Variants in SH2D4B observed in about 807,000 individuals in gnomAD.
SH2D4B encodes the protein SH2 domain containing 4B, also known as SH2 domain-containing protein 4B.
SH2D4B carries 45 observed loss-of-function variants against 61.5 expected under a neutral mutation model. The observed-to-expected ratio is 0.73, with a 90% CI of 0.58 to 0.94. The LOEUF (loss-of-function observed/expected upper bound fraction) is 0.94, where lower values mean the gene tolerates loss of function less well. SH2D4B is among the 40% of genes least tolerant of loss of function. The probability of loss-of-function intolerance (pLI) is 0.00; values close to 1 mark genes in which losing one functional copy is unlikely to be tolerated. For missense variants in SH2D4B, 572 were observed against 574.2 expected, an observed-to-expected ratio of 1.00 and a Z score of 0.04; for synonymous variants, 224 against 220.4, an observed-to-expected ratio of 1.02 and a Z score of -0.14.
chr10:80,628,785 TG>T (rs1842794338), intron 6 of SH2D4B, among the ~76,000 whole-genome samples: 1 of 152,078 alleles, frequency 6.6e-6, no homozygotes, highest in Non-Finnish European at 1.5e-5. Context: ...CCCAGCACTT[TG>T]GGAAGCTGAG....
intron 4 of SH2D4B, among the ~76,000 whole-genome samples, chr10:80,592,031 A>T (rs1842334298): frequency 6.6e-6 from 1 of 152,316 alleles, no homozygotes; most frequent in South Asian, 2.1e-4. Context: ...TAATTCCTTG[A>T]CGTCCTTGCC....
At chr10:80,572,986 A>ATATCTATTTTT (rs1564772012) in intron 3 of SH2D4B, among the ~76,000 whole-genome samples, 1 of 8,874 alleles carries the variant, frequency 1.1e-4, no homozygotes, top group Non-Finnish European at 2.0e-4. Flanking sequence ...ATATATATAT[A>ATATCTATTTTT]TTTTTTTTTT....
chr10:80,583,842 T>C (rs1437447287), intron 3 of SH2D4B, among the ~76,000 whole-genome samples: 1 of 152,090 alleles, frequency 6.6e-6, no homozygotes, highest in Non-Finnish European at 1.5e-5. Flanking sequence ...ACTGGAAAGA[T>C]AAGAGACTAC....
chr10:80,614,515 C>G (rs1046008135), intron 6 of SH2D4B, among the ~76,000 whole-genome samples: 3 of 152,244 alleles, frequency 2.0e-5, no homozygotes, highest in African/African-American at 7.2e-5. Context: ...GACAAATATC[C>G]AAACCATATC....
intron 1 of SH2D4B, among the ~76,000 whole-genome samples, chr10:80,560,498 G>T (rs113063107): frequency 4.0e-4 from 60 of 151,412 alleles, no homozygotes; most frequent in Non-Finnish European, 8.5e-4. Context: ...CCATCCTCCA[G>T]CCTCAGCCTT....
chr10:80,643,891 G>T, intron 7 of SH2D4B, 102 bp from the exon 8 acceptor site: 3 of 658,052 alleles, frequency 4.6e-6, no homozygotes, highest in Non-Finnish European at 7.3e-6. Flanking sequence ...GGAGACAAAT[G>T]CATATTCTTA....
rs1388258281 is a variant in SH2D4B at position 80,603,688 on chromosome 10, C to T, written c.753C>T (p.Gly251=). 2 of 1,612,402 alleles carry T rather than the reference C, an allele frequency of 1.2e-6. No individual in the cohort carries two copies. The highest frequency in any genetic ancestry group is 1.3e-5 in the African/African-American group (1 of 74,936). ...LRAIQKGTVA[G]LSSMFRELGQ... ...CTATCCAGAAGGGCACGGTCGCTGG[C>T]CTCAGCTCCATGTTCCGGGAGCTTG... Residue 251 remains glycine, a synonymous_variant, in exon 5 of 8, where the codon GGC becomes GGT. Transcript: ENST00000646907.
intron 4 of SH2D4B, among the ~76,000 whole-genome samples, chr10:80,594,285 C>T (rs1308405976): frequency 6.6e-6 from 1 of 152,150 alleles, no homozygotes; most frequent in Non-Finnish European, 1.5e-5. Flanking sequence ...GTGGTGCATT[C>T]CATGGCTGAG....
chr10:80,632,449 G>C (rs1384606094), intron 6 of SH2D4B, among the ~76,000 whole-genome samples: 1 of 152,034 alleles, frequency 6.6e-6, no homozygotes, highest in Admixed American at 6.6e-5. Flanking sequence ...TTGTTTAAAA[G>C]AAAAAAAGTT....
intron 3 of SH2D4B, among the ~76,000 whole-genome samples, chr10:80,572,945 AATAT>A (rs869061750): frequency 9.8e-3 from 203 of 20,634 alleles, no homozygotes; most frequent in African/African-American, 0.02. Context: ...GTATGTTGCA[AATAT>A]ATATATATAT....
At chr10:80,620,940 A>C (rs1842712334) in intron 6 of SH2D4B, among the ~76,000 whole-genome samples, 1 of 152,222 alleles carries the variant, frequency 6.6e-6, no homozygotes, top group Admixed American at 6.5e-5. Flanking sequence ...TAGGGGAAAA[A>C]CCCACAGAAT....
At chr10:80,546,774 G>T (rs191523462) in intron 1 of SH2D4B, among the ~76,000 whole-genome samples, 4 of 151,938 alleles carry the variant, frequency 2.6e-5, no homozygotes, top group Non-Finnish European at 5.9e-5. Flanking sequence ...TGATCCGTCC[G>T]CCTCGGCCTC....
chr10:80,557,407 C>T (rs1841852427), intron 1 of SH2D4B, among the ~76,000 whole-genome samples: 2 of 152,164 alleles, frequency 1.3e-5, no homozygotes, highest in South Asian at 4.1e-4. Context: ...AGAATATATT[C>T]TCTCCTCTTC....
At position 80,598,961 on chromosome 10, in the gene SH2D4B, G is replaced by C. The variant is rs1589351048; in HGVS notation, c.644-4618G>C. On this transcript the variant is annotated intron_variant, in intron 4 of 7. Transcript: ENST00000646907. ...GACTTTGGAGTTGTCAGAGGGACTT[G>C]TGTTCACCTGTGGCTCCTTGACCTG... 2.0e-5 allele frequency among the ~76,000 whole-genome samples: 3 copies of C among 152,274 alleles called. No individual in the cohort carries two copies. The South Asian group carries it at 6.2e-4, about 32-fold the overall frequency.
At position 80,644,858 on chromosome 10, in the gene SH2D4B, C is replaced by G. The variant is rs1840368774; in HGVS notation, c.*773C>G. On this transcript the variant is annotated 3_prime_UTR_variant, in exon 8 of 8. Coordinates refer to ENST00000646907, the MANE Select transcript of SH2D4B (RefSeq NM_001388272.1). Reference sequence around the variant, plus strand: ...GGTTCTTAGAAATCTGATGAGGCCTCTGCTCTCTGGGATGTGGCCCTCTCT... The same window carrying G: ...GGTTCTTAGAAATCTGATGAGGCCTGTGCTCTCTGGGATGTGGCCCTCTCT... 1 of 152,242 alleles carries G rather than the reference C, an allele frequency of 6.6e-6. No homozygotes were observed. The highest frequency in any genetic ancestry group is 1.5e-5 in the Non-Finnish European group (1 of 68,064). The allele number at this position is 152,242 out of a possible 1,614,324, so 9.4% of individuals were successfully genotyped here.
chr10:80,562,887 A>AT (rs1223682186), intron 1 of SH2D4B, among the ~76,000 whole-genome samples: 25 of 122,144 alleles, frequency 2.0e-4, no homozygotes, highest in Non-Finnish European at 3.4e-4. Flanking sequence ...GATGCTGAAC[A>AT]TTTTTTCTTT....
chr10:80,548,646 C>G (rs1376775953), intron 1 of SH2D4B, among the ~76,000 whole-genome samples: 1 of 152,210 alleles, frequency 6.6e-6, no homozygotes, highest in Non-Finnish European at 1.5e-5. Context: ...GCTTCTTCAA[C>G]AAGGGGGACA....
At chr10:80,581,220 A>G (rs927229463) in intron 3 of SH2D4B, among the ~76,000 whole-genome samples, 1 of 152,160 alleles carries the variant, frequency 6.6e-6, no homozygotes. Context: ...ACATGGCCCT[A>G]CAATTTAACT....
chr10:80,602,629 G>A lies in SH2D4B; in HGVS notation c.644-950G>A, dbSNP rs1431133636. The stretch of plus-strand genomic sequence containing the variant: ...AGCTCTCAAGGTCATGGGAAACCAA[G>A]AAAGGGTTCCAGAACTGGGACACCA... On this transcript the variant is annotated intron_variant, in intron 4 of 7. Coordinates refer to ENST00000646907, the MANE Select transcript of SH2D4B (RefSeq NM_001388272.1). Among the ~76,000 whole-genome samples, 3 of 152,270 alleles carry A rather than the reference G, an allele frequency of 2.0e-5. No individual in the cohort carries two copies. In the East Asian group the frequency reaches 5.8e-4, roughly 29 times the overall value.
Sources: gnomAD v4.1 joint callset for allele counts (sites outside exome capture counted in the v4.1 genomes callset) on GRCh38, gnomAD v4.1.1 for gene constraint, MANE v1.5 for transcripts, NCBI Gene and HGNC (gene_info 2026-07-23, HGNC 2026-07-21) for gene names.